NRXN1: variants seen among roughly 807,000 people sequenced by gnomAD.
The protein encoded by NRXN1 is neurexin 1, also known as neurexin-1.
NRXN1 carries 39 observed loss-of-function variants against 150.9 expected under a neutral mutation model. The observed-to-expected ratio is 0.26, with a 90% CI of 0.20 to 0.34. NRXN1 has a LOEUF of 0.34. NRXN1 is among the 10% of genes least tolerant of loss of function. NRXN1 has a pLI of 1.00. For synonymous variants in NRXN1, 924 were observed against 757.0 expected, an observed-to-expected ratio of 1.22 and a Z score of -3.62; for missense variants, 1,815 against 1,949.9, an observed-to-expected ratio of 0.93 and a Z score of 1.30.
At chr2:50,813,376 G>A (rs549545421) in intron 5 of NRXN1, among the ~76,000 whole-genome samples, 62 of 151,874 alleles carry the variant, frequency 4.1e-4, no homozygotes, top group African/African-American at 1.2e-3. Flanking sequence ...ATCTTCTCTC[G>A]TTTATAGCTT....
intron 17 of NRXN1, among the ~76,000 whole-genome samples, chr2:50,386,988 C>G (rs7559624): frequency 0.49 from 73,949 of 151,936 alleles, 18,516 homozygotes; most frequent in East Asian, 0.81. Context: ...TGATCTAGTG[C>G]ATAGTATCCG....
At chr2:50,104,806 C>T (rs561915485) in intron 18 of NRXN1, among the ~76,000 whole-genome samples, 1 of 152,062 alleles carries the variant, frequency 6.6e-6, no homozygotes, top group East Asian at 1.9e-4. Context: ...AACATGCTTA[C>T]AAGAGGTTGC....
intron 5 of NRXN1, among the ~76,000 whole-genome samples, chr2:50,901,840 T>C (rs2103963955): frequency 6.6e-6 from 1 of 152,322 alleles, no homozygotes; most frequent in African/African-American, 2.4e-5. Flanking sequence ...TTGTATTCAC[T>C]AAATAGGTTT....
intron 17 of NRXN1, among the ~76,000 whole-genome samples, chr2:50,411,339 C>T (rs1572871661): frequency 6.6e-6 from 1 of 152,122 alleles, no homozygotes; most frequent in South Asian, 2.1e-4. Flanking sequence ...TCAATGTTGC[C>T]CAGGCTGGAG....
intron 5 of NRXN1, among the ~76,000 whole-genome samples, chr2:50,843,284 T>C (rs901951645): frequency 1.3e-5 from 2 of 152,208 alleles, no homozygotes; most frequent in Non-Finnish European, 2.9e-5. Flanking sequence ...ATGGAGACTT[T>C]GCAAAAATGT....
chr2:50,124,625 C>T (rs1041488908), intron 18 of NRXN1, among the ~76,000 whole-genome samples: 4 of 152,064 alleles, frequency 2.6e-5, no homozygotes, highest in Non-Finnish European at 5.9e-5. Flanking sequence ...CCCTGCTGTG[C>T]TCAGTTCCCT....
chr2:50,740,196 A>C (rs1217095302), intron 5 of NRXN1, among the ~76,000 whole-genome samples: 1 of 152,182 alleles, frequency 6.6e-6, no homozygotes, highest in African/African-American at 2.4e-5. Context: ...TGCTCAGACC[A>C]GGGACATGAG....
intron 18 of NRXN1, among the ~76,000 whole-genome samples, chr2:50,093,363 C>T (rs1699823939): frequency 6.6e-6 from 1 of 151,732 alleles, no homozygotes; most frequent in Non-Finnish European, 1.5e-5. Flanking sequence ...CATGTATAAT[C>T]CCAGCAGTTT....
chr2:50,669,465 T>C (rs377733805), intron 5 of NRXN1, among the ~76,000 whole-genome samples: 4 of 152,134 alleles, frequency 2.6e-5, no homozygotes, highest in East Asian at 1.9e-4. Flanking sequence ...AAGATGCTTC[T>C]ATAATCACTA....
chr2:50,465,453 A>C lies in NRXN1; in HGVS notation c.3353T>G (p.Leu1118Arg), dbSNP rs751798190. 8 of 1,609,542 alleles carry C rather than the reference A, an allele frequency of 5.0e-6. No individual in the cohort carries two copies. The highest frequency in any genetic ancestry group is 1.1e-5 in the South Asian group (1 of 90,470). The change falls in exon 17 of 23, where the codon CTC (leucine) becomes CGC (arginine). Residue 1118 changes from leucine to arginine, a missense_variant. Physicochemically the swap from Leu to Arg is moderately radical, Grantham distance 102 (BLOSUM62 -2). Transcript: ENST00000401669. ...DCSMTSFSGPLCNDPGTTYIF... is the reference protein window; with the variant it reads ...DCSMTSFSGPRCNDPGTTYIF... Reference sequence around the variant, plus strand: ...AGAGAGGTACTTACGGTCATTGCAGAGTGGTCCACTGAAGGAAGTCATACT... The same window carrying C: ...AGAGAGGTACTTACGGTCATTGCAGCGTGGTCCACTGAAGGAAGTCATACT...
chr2:50,243,793 T>C (rs2066253250), intron 17 of NRXN1, among the ~76,000 whole-genome samples: 1 of 151,468 alleles, frequency 6.6e-6, no homozygotes, highest in Non-Finnish European at 1.5e-5. Context: ...AGCAGAAGAG[T>C]ATTCCTCTTC....
At chr2:50,863,975 G>C (rs1676510818) in intron 5 of NRXN1, among the ~76,000 whole-genome samples, 1 of 152,016 alleles carries the variant, frequency 6.6e-6, no homozygotes, top group Non-Finnish European at 1.5e-5. Context: ...TGAGACTGCT[G>C]TGTGCAGCTG....
chr2:50,472,600 G>C, intron 15 of NRXN1, 129 bp from the exon 16 acceptor site: 1 of 661,786 alleles, frequency 1.5e-6, no homozygotes, highest in South Asian at 2.4e-5. Context: ...ATGACTAGCT[G>C]TTTTCCCCAA....
At chr2:50,372,077 A>G (rs2080070392) in intron 17 of NRXN1, among the ~76,000 whole-genome samples, 1 of 152,090 alleles carries the variant, frequency 6.6e-6, no homozygotes, top group Non-Finnish European at 1.5e-5. Context: ...TGTCTTTCAT[A>G]CATTTGAAGT....
intron 18 of NRXN1, among the ~76,000 whole-genome samples, chr2:50,116,254 A>C (rs1703053079): frequency 6.6e-6 from 1 of 152,068 alleles, no homozygotes; most frequent in Non-Finnish European, 1.5e-5. Context: ...GCAGGCCCTA[A>C]TAAATGACTT....
chr2:50,528,259 G>C (rs988295099), intron 12 of NRXN1, among the ~76,000 whole-genome samples: 1 of 151,536 alleles, frequency 6.6e-6, no homozygotes, highest in South Asian at 2.1e-4. Flanking sequence ...TTGTATTTGA[G>C]TTAAAAGATA....
chr2:50,651,778 G>A (rs1001403054), intron 5 of NRXN1, among the ~76,000 whole-genome samples: 19 of 151,864 alleles, frequency 1.3e-4, no homozygotes, highest in Non-Finnish European at 7.4e-5. Context: ...AGTACAGCTT[G>A]TACTGGGGCT....
intron 5 of NRXN1, among the ~76,000 whole-genome samples, chr2:50,704,134 T>C (rs1694123069): frequency 6.6e-6 from 1 of 152,054 alleles, no homozygotes. Context: ...AGAAGACAGC[T>C]GGTGGCCAAT....
At chr2:50,308,670 T>C (rs538238409) in intron 17 of NRXN1, among the ~76,000 whole-genome samples, 29 of 152,310 alleles carry the variant, frequency 1.9e-4, no homozygotes, top group Admixed American at 1.8e-3. Flanking sequence ...TAAACATTTT[T>C]AGATTCCACA....
Sources: allele counts gnomAD v4.1 joint callset (sites outside exome capture counted in the v4.1 genomes callset), GRCh38; gene constraint gnomAD v4.1.1; transcripts MANE v1.5; gene names NCBI Gene and HGNC (gene_info 2026-07-23, HGNC 2026-07-21).